PTPN14: variants seen among roughly 807,000 people sequenced by gnomAD.
PTPN14 encodes the protein tyrosine-protein phosphatase non-receptor type 14.
In PTPN14, 53 loss-of-function variants were observed where a neutral mutation model predicts 126.8. That is an observed-to-expected ratio of 0.42 (90% CI 0.34 to 0.53). The LOEUF is 0.53. PTPN14 is among the 20% of genes least tolerant of loss of function. PTPN14 has a pLI of 0.08. For synonymous variants in PTPN14, 630 were observed against 599.3 expected, an observed-to-expected ratio of 1.05 and a Z score of -0.75; for missense variants, 1,257 against 1,552.9, an observed-to-expected ratio of 0.81 and a Z score of 3.20.
intron 12 of PTPN14, 53 bp downstream of exon 12, chr1:214,386,789 CTT>C: frequency 6.8e-7 from 1 of 1,470,456 alleles, no homozygotes; most frequent in South Asian, 1.2e-5. Context: ...TTCTTTACTG[CTT>C]ACTGGTATTC....
chr1:214,365,280 C>T (rs1658055321), intron 17 of PTPN14, among the ~76,000 whole-genome samples: 1 of 152,160 alleles, frequency 6.6e-6, no homozygotes, highest in Non-Finnish European at 1.5e-5. Flanking sequence ...CTGGAGGCAA[C>T]ATGTGTGTGA....
chr1:214,445,080 G>A (rs1433062939), intron 3 of PTPN14, among the ~76,000 whole-genome samples: 1 of 152,176 alleles, frequency 6.6e-6, no homozygotes, highest in Non-Finnish European at 1.5e-5. Flanking sequence ...CAGAGATTAA[G>A]TATTTTAAAA....
chr1:214,370,141 G>A (rs1352320030), intron 16 of PTPN14, among the ~76,000 whole-genome samples: 2 of 152,144 alleles, frequency 1.3e-5, no homozygotes, highest in Admixed American at 6.5e-5. Flanking sequence ...TTAGCCAGGC[G>A]CGGTGGCGGG....
chr1:214,512,358 T>C (rs1051969518), intron 1 of PTPN14, among the ~76,000 whole-genome samples: 3 of 152,174 alleles, frequency 2.0e-5, no homozygotes, highest in Non-Finnish European at 4.4e-5. Context: ...TGCTTCTCCA[T>C]GTGGCCCTAT....
chr1:214,450,376 G>A (rs983567490), intron 3 of PTPN14, among the ~76,000 whole-genome samples: 3 of 151,418 alleles, frequency 2.0e-5, no homozygotes, highest in Non-Finnish European at 2.9e-5. Context: ...GGAGGCTGAG[G>A]CACGAGAATC....
At position 214,355,959 on chromosome 1, in the gene PTPN14, C is replaced by CTTTTTTTTTTTT. The variant is rs58372033; in HGVS notation, c.*1951_*1962dup. 16 of 101,650 alleles carry CTTTTTTTTTTTT rather than the reference C, an allele frequency of 1.6e-4. No individual in the cohort carries two copies. The highest frequency in any genetic ancestry group is 6.5e-4 in the African/African-American group (16 of 24,762). The allele number at this position is 101,650 out of a possible 1,614,324, so 6.3% of individuals were successfully genotyped here. ...TAGTTTTTCTTGACAACCTTTTTTC[C>CTTTTTTTTTTTT]TTTTTTTTTTTTTTTTTTGGAGGCA... On this transcript the variant is annotated 3_prime_UTR_variant, in exon 19 of 19. Transcript: ENST00000366956.
Position 214,394,968 on chromosome 1 carries a change from A to G in PTPN14, c.777T>C (p.Asn259=). The change falls in exon 9 of 19, where the codon AAT becomes AAC. Residue 259 remains asparagine, a synonymous_variant. Coordinates refer to ENST00000366956, the MANE Select transcript of PTPN14 (RefSeq NM_005401.5). The stretch of plus-strand genomic sequence containing the variant: ...GAATGGTCGACTTGTTATGAGTGAT[A>G]TTCCCCATGTCATTCCACCTGGTTA... The part of the protein sequence containing the change: ...AVIYRWNDMG[N]ITHNKSTILV... 3 of 1,612,958 alleles carry G rather than the reference A, an allele frequency of 1.9e-6. No homozygotes were observed. Among genetic ancestry groups the G allele is most frequent in the Non-Finnish European group, 2.5e-6 (3 of 1,178,980 alleles).
chr1:214,486,172 T>A (rs148819265), intron 1 of PTPN14, among the ~76,000 whole-genome samples: 1 of 152,280 alleles, frequency 6.6e-6, no homozygotes, highest in Non-Finnish European at 1.5e-5. Flanking sequence ...CCCAAAACCA[T>A]ACCCTAATTT....
At chr1:214,465,034 A>G in intron 1 of PTPN14, 77 bp from the exon 2 acceptor site, 1 of 297,838 alleles carries the variant, frequency 3.4e-6, no homozygotes. Flanking sequence ...CACACACAGA[A>G]GCCCCCCCCC....
chr1:214,490,243 A>G (rs758557078), intron 1 of PTPN14, among the ~76,000 whole-genome samples: 1 of 152,190 alleles, frequency 6.6e-6, no homozygotes, highest in Non-Finnish European at 1.5e-5. Context: ...CAAGGGGGAA[A>G]TGTTTCACAT....
intron 18 of PTPN14, 72 bp from the exon 19 acceptor site, chr1:214,358,122 T>C (rs1416129482): frequency 1.8e-5 from 28 of 1,556,278 alleles, no homozygotes; most frequent in Non-Finnish European, 2.4e-5. Flanking sequence ...CATTCCCTCA[T>C]TCAGGAAGCA....
chr1:214,448,300 G>T (rs536157083), intron 3 of PTPN14, among the ~76,000 whole-genome samples: 2 of 152,048 alleles, frequency 1.3e-5, no homozygotes, highest in African/African-American at 4.8e-5. Context: ...GCGCGATCTC[G>T]GCTCACTGCA....
At chr1:214,410,183 T>A (rs557837359) in intron 5 of PTPN14, among the ~76,000 whole-genome samples, 3 of 152,212 alleles carry the variant, frequency 2.0e-5, no homozygotes, top group Non-Finnish European at 4.4e-5. Flanking sequence ...TTGTTGCCTA[T>A]GTTTTTGGGG....
At chr1:214,511,964 C>G (rs1654984105) in intron 1 of PTPN14, among the ~76,000 whole-genome samples, 2 of 151,980 alleles carry the variant, frequency 1.3e-5, no homozygotes, top group Non-Finnish European at 1.5e-5. Context: ...CTATAAACTA[C>G]ATTGTATTAT....
intron 1 of PTPN14, among the ~76,000 whole-genome samples, chr1:214,519,491 T>G (rs1655189801): frequency 6.6e-6 from 1 of 152,134 alleles, no homozygotes; most frequent in African/African-American, 2.4e-5. Context: ...TATACTGAAG[T>G]AACTTCCTAA....
chr1:214,391,959 C>T (rs941707974), intron 10 of PTPN14, among the ~76,000 whole-genome samples: 1 of 152,152 alleles, frequency 6.6e-6, no homozygotes, highest in Admixed American at 6.5e-5. Flanking sequence ...AGGAGCCACT[C>T]AATTGAGCTA....
Position 214,377,952 on chromosome 1 carries a change from C to T in PTPN14, c.2688+7G>A. On this transcript the variant is annotated splice_region_variant and intron_variant, in intron 14 of 18. Coordinates refer to ENST00000366956, the MANE Select transcript of PTPN14 (RefSeq NM_005401.5). The stretch of plus-strand genomic sequence containing the variant: ...GAATGAGTCACATTGACAAGCCTGC[C>T]ACTTACCCTCTCGTCCATGGGAACC... 6.2e-7 allele frequency: 1 copy of T among 1,610,318 alleles called. No homozygotes were observed. Among genetic ancestry groups the T allele is most frequent in the Non-Finnish European group, 8.5e-7 (1 of 1,178,500 alleles).
Position 214,348,719 on chromosome 1 carries a change from T to C in PTPN14, c.*9203A>G, listed in dbSNP as rs1657647330. On this transcript the variant is annotated 3_prime_UTR_variant, in exon 19 of 19. Coordinates refer to ENST00000366956, the MANE Select transcript of PTPN14 (RefSeq NM_005401.5). ...TGTAACTTTTCTCTGAAAAAAAGGT[T>C]TATTGCATATGGAAATCAATAGATA... 6.6e-6 allele frequency: 1 copy of C among 152,160 alleles called. No individual in the cohort carries two copies. The highest frequency in any genetic ancestry group is 2.4e-5 in the African/African-American group (1 of 41,440). 9.4% of individuals were successfully genotyped at this position (152,160 alleles called of 1,614,324 possible). A position where few individuals can be genotyped will look rare whatever the true frequency, so the allele number is the denominator to read the frequency against.
intron 11 of PTPN14, 129 bp from the exon 12 acceptor site, chr1:214,387,051 C>T (rs1205341631): frequency 3.9e-6 from 3 of 766,958 alleles, no homozygotes; most frequent in African/African-American, 3.5e-5. Flanking sequence ...CTGTCCCTGC[C>T]ACCCCTTTGA....
Sources: gnomAD v4.1 joint callset for allele counts (sites outside exome capture counted in the v4.1 genomes callset) on GRCh38, gnomAD v4.1.1 for gene constraint, MANE v1.5 for transcripts, NCBI Gene and HGNC (gene_info 2026-07-23, HGNC 2026-07-21) for gene names.